RALYL: variants seen among roughly 807,000 people sequenced by gnomAD.
RALYL encodes the protein RNA-binding Raly-like protein.
In RALYL, 29 loss-of-function variants were observed where a neutral mutation model predicts 35.1. The observed-to-expected ratio is 0.83, with a 90% CI of 0.61 to 1.13. The LOEUF (loss-of-function observed/expected upper bound fraction) is 1.13, where lower values mean the gene tolerates loss of function less well. RALYL is among the 50% of genes most tolerant of loss of function. RALYL has a pLI of 0.00. For missense variants in RALYL, 359 were observed against 360.4 expected, an observed-to-expected ratio of 1.00 and a Z score of 0.03; for synonymous variants, 120 against 127.6, an observed-to-expected ratio of 0.94 and a Z score of 0.40.
intron 8 of RALYL, among the ~76,000 whole-genome samples, chr8:84,891,726 C>G (rs955525024): frequency 5.3e-5 from 8 of 152,170 alleles, no homozygotes; most frequent in Non-Finnish European, 1.2e-4. Context: ...ACTAAGGAGT[C>G]TCTCCTAGTG....
intron 3 of RALYL, among the ~76,000 whole-genome samples, chr8:84,803,011 C>A (rs796310990): frequency 3.9e-5 from 6 of 152,242 alleles, no homozygotes; most frequent in African/African-American, 1.4e-4. Flanking sequence ...TCAAAAGATT[C>A]TCATTATATT....
chr8:84,329,459 G>A (rs186384373), intron 1 of RALYL, among the ~76,000 whole-genome samples: 17 of 151,908 alleles, frequency 1.1e-4, no homozygotes, highest in Admixed American at 5.9e-4. Context: ...TATGTGTTTT[G>A]TGCTTTTTGA....
intron 1 of RALYL, among the ~76,000 whole-genome samples, chr8:84,214,394 G>A (rs1820276336): frequency 6.6e-6 from 1 of 151,952 alleles, no homozygotes. Flanking sequence ...GAGTCTTTAT[G>A]CTTTATCAAA....
At chr8:84,751,338 G>T (rs1809953753) in intron 2 of RALYL, among the ~76,000 whole-genome samples, 1 of 152,048 alleles carries the variant, frequency 6.6e-6, no homozygotes, top group Non-Finnish European at 1.5e-5. Context: ...CTCCCAAGTA[G>T]CTGGGATTAT....
intron 1 of RALYL, among the ~76,000 whole-genome samples, chr8:84,455,823 G>A (rs552432646): frequency 6.6e-6 from 1 of 151,924 alleles, no homozygotes; most frequent in East Asian, 1.9e-4. Context: ...TGGTATCTTG[G>A]GAATTTATTT....
At chr8:84,336,038 G>A (rs886311125) in intron 1 of RALYL, among the ~76,000 whole-genome samples, 9 of 152,118 alleles carry the variant, frequency 5.9e-5, no homozygotes, top group Admixed American at 2.6e-4. Context: ...TATGGCATAC[G>A]TGGATATTCA....
intron 3 of RALYL, among the ~76,000 whole-genome samples, chr8:84,787,012 C>CT (rs1405364549): frequency 6.6e-6 from 1 of 151,980 alleles, no homozygotes; most frequent in Non-Finnish European, 1.5e-5. Flanking sequence ...TTTCTTTAAG[C>CT]TTTTTTAAAA....
At chr8:84,277,099 A>G (rs1835540204) in intron 1 of RALYL, among the ~76,000 whole-genome samples, 1 of 152,182 alleles carries the variant, frequency 6.6e-6, no homozygotes, top group Non-Finnish European at 1.5e-5. Flanking sequence ...TGTAGCATTT[A>G]CTGTATTAGT....
chr8:84,562,740 G>A (rs1304279823), intron 2 of RALYL, among the ~76,000 whole-genome samples: 2 of 151,860 alleles, frequency 1.3e-5, no homozygotes, highest in Non-Finnish European at 2.9e-5. Context: ...AGACACTGGG[G>A]CCCAACTAGA....
chr8:84,701,547 T>C (rs1840198308), intron 2 of RALYL, among the ~76,000 whole-genome samples: 1 of 152,202 alleles, frequency 6.6e-6, no homozygotes, highest in Non-Finnish European at 1.5e-5. Context: ...CAGATAAAGA[T>C]GTCAATACTC....
At chr8:84,631,576 C>T (rs552449329) in intron 2 of RALYL, among the ~76,000 whole-genome samples, 4 of 151,378 alleles carry the variant, frequency 2.6e-5, no homozygotes, top group Admixed American at 6.6e-5. Context: ...ATGGTAGCTT[C>T]AGAAGGTAAA....
chr8:84,212,708 A>G (rs1819785175), intron 1 of RALYL, among the ~76,000 whole-genome samples: 1 of 152,192 alleles, frequency 6.6e-6, no homozygotes. Flanking sequence ...ATTGAAAAAC[A>G]AGACTGATAA....
intron 1 of RALYL, among the ~76,000 whole-genome samples, chr8:84,439,851 G>C (rs2048147298): frequency 6.6e-6 from 1 of 152,026 alleles, no homozygotes; most frequent in South Asian, 2.1e-4. Flanking sequence ...AAAATTATTT[G>C]ATTGGCTATG....
At chr8:84,692,760 T>C (rs555977117) in intron 2 of RALYL, among the ~76,000 whole-genome samples, 2 of 152,122 alleles carry the variant, frequency 1.3e-5, no homozygotes, top group Admixed American at 6.6e-5. Flanking sequence ...AATGCTTGAG[T>C]CTTGTTGGTT....
chr8:84,330,542 G>A (rs1488854964), intron 1 of RALYL, among the ~76,000 whole-genome samples: 1 of 151,990 alleles, frequency 6.6e-6, no homozygotes, highest in Non-Finnish European at 1.5e-5. Flanking sequence ...ATATTATTCA[G>A]CTACTATAAA....
intron 1 of RALYL, among the ~76,000 whole-genome samples, chr8:84,199,561 T>C (rs76412798): frequency 6.6e-6 from 1 of 152,142 alleles, no homozygotes; most frequent in Non-Finnish European, 1.5e-5. Flanking sequence ...TACTCAATAA[T>C]TTTTTGCCCA....
chr8:84,579,917 TAAGA>T (rs1329706911), intron 2 of RALYL, among the ~76,000 whole-genome samples: 1 of 152,202 alleles, frequency 6.6e-6, no homozygotes, highest in Non-Finnish European at 1.5e-5. Flanking sequence ...AATAAAAATT[TAAGA>T]AAGAAACTGA....
At chr8:84,857,838 T>C (rs1837362667) in intron 5 of RALYL, among the ~76,000 whole-genome samples, 2 of 152,174 alleles carry the variant, frequency 1.3e-5, no homozygotes. Context: ...AGACTTAGAA[T>C]TGTAGTTTTT....
At chr8:84,830,576 C>T (rs79321455) in intron 4 of RALYL, among the ~76,000 whole-genome samples, 2 of 151,792 alleles carry the variant, frequency 1.3e-5, no homozygotes, top group South Asian at 4.2e-4. Flanking sequence ...AATGATTGTA[C>T]AAGAAGGAAA....
Sources: gnomAD v4.1 joint callset for allele counts (sites outside exome capture counted in the v4.1 genomes callset) on GRCh38, gnomAD v4.1.1 for gene constraint, MANE v1.5 for transcripts, NCBI Gene and HGNC (gene_info 2026-07-23, HGNC 2026-07-21) for gene names.